ATG10: variants seen among roughly 807,000 people sequenced by gnomAD.
ATG10 encodes the protein autophagy related 10, also known as ubiquitin-like-conjugating enzyme ATG10.
A neutral mutation model predicts 32.1 loss-of-function variants in ATG10; 30 were observed. That is an observed-to-expected ratio of 0.94 (90% CI 0.70 to 1.27). The LOEUF (loss-of-function observed/expected upper bound fraction) is 1.27, where lower values mean the gene tolerates loss of function less well. ATG10 is among the 50% of genes most tolerant of loss of function. The pLI is 0.00. For synonymous variants in ATG10, 87 were observed against 91.5 expected, an observed-to-expected ratio of 0.95 and a Z score of 0.28; for missense variants, 233 against 262.3, an observed-to-expected ratio of 0.89 and a Z score of 0.77.
At chr5:82,178,423 A>T in intron 4 of ATG10, 67 bp from the exon 5 acceptor site, 1 of 934,802 alleles carries the variant, frequency 1.1e-6, no homozygotes, top group Non-Finnish European at 1.7e-6. Context: ...CAGGAGTTTT[A>T]GATTGACACC....
intron 2 of ATG10, among the ~76,000 whole-genome samples, chr5:82,010,902 A>G (rs888405160): frequency 6.6e-6 from 1 of 152,182 alleles, no homozygotes; most frequent in Non-Finnish European, 1.5e-5. Flanking sequence ...AGTGTATAGG[A>G]CAGTCTTATT....
At chr5:82,177,201 A>G (rs2149921207) in intron 4 of ATG10, among the ~76,000 whole-genome samples, 1 of 152,304 alleles carries the variant, frequency 6.6e-6, no homozygotes, top group South Asian at 2.1e-4. Flanking sequence ...CAATACCCAG[A>G]AAGGATCATT....
intron 2 of ATG10, among the ~76,000 whole-genome samples, chr5:82,031,205 A>T (rs1291122315): frequency 6.6e-6 from 1 of 152,164 alleles, no homozygotes; most frequent in Non-Finnish European, 1.5e-5. Context: ...AATCATATCA[A>T]ATTTGAAGAA....
intron 2 of ATG10, among the ~76,000 whole-genome samples, chr5:82,032,270 A>G (rs983563049): frequency 2.0e-5 from 3 of 152,062 alleles, no homozygotes; most frequent in African/African-American, 7.2e-5. Context: ...GCTCAGTTTC[A>G]TTCTTCCCTT....
intron 2 of ATG10, among the ~76,000 whole-genome samples, chr5:82,001,098 G>A (rs1274909999): frequency 6.6e-6 from 1 of 152,160 alleles, no homozygotes; most frequent in East Asian, 1.9e-4. Flanking sequence ...GCTCTACCAT[G>A]AGAATTAGAA....
At chr5:82,091,574 C>T (rs1764887134) in intron 3 of ATG10, among the ~76,000 whole-genome samples, 2 of 152,044 alleles carry the variant, frequency 1.3e-5, no homozygotes, top group African/African-American at 2.4e-5. Context: ...TTTTTGGTAG[C>T]GAGATCAGAT....
chr5:82,131,642 T>C (rs1190813202), intron 3 of ATG10, among the ~76,000 whole-genome samples: 1 of 3,886 alleles, frequency 2.6e-4, no homozygotes, highest in African/African-American at 2.3e-3. Flanking sequence ...TTTATTCTAC[T>C]TTTTTTTTTT....
chr5:82,139,598 C>T (rs1342820062), intron 3 of ATG10, among the ~76,000 whole-genome samples: 3 of 149,162 alleles, frequency 2.0e-5, no homozygotes, highest in Non-Finnish European at 4.5e-5. Flanking sequence ...AGGAGCCTCT[C>T]CGCCCGGCAG....
intron 3 of ATG10, among the ~76,000 whole-genome samples, chr5:82,067,271 A>G (rs549790203): frequency 1.6e-4 from 25 of 152,196 alleles, no homozygotes; most frequent in Non-Finnish European, 2.9e-5. Flanking sequence ...AAAACCAGTC[A>G]TGTCAGATTA....
rs1292928045 is a variant in ATG10 at position 82,003,915 on chromosome 5, G to A, written c.108+16237G>A. 5.3e-5 allele frequency among the ~76,000 whole-genome samples: 8 copies of A among 152,136 alleles called. No homozygotes were observed. In the South Asian group the frequency reaches 6.2e-4, roughly 12 times the overall value. On this transcript the variant is annotated intron_variant, in intron 2 of 7. Coordinates refer to ENST00000282185, the MANE Select transcript of ATG10 (RefSeq NM_031482.5). ...AGCACTTTGGGAGGCCAAGGCAGGCGGATCACTTGAGGTCAGGAGTTTGAG... is the reference window on the plus strand; with the variant it reads ...AGCACTTTGGGAGGCCAAGGCAGGCAGATCACTTGAGGTCAGGAGTTTGAG...
At chr5:82,008,047 T>A (rs1033048380) in intron 2 of ATG10, among the ~76,000 whole-genome samples, 3 of 152,172 alleles carry the variant, frequency 2.0e-5, no homozygotes, top group African/African-American at 4.8e-5. Flanking sequence ...ATAAATACAT[T>A]TGTTGTTGTG....
intron 3 of ATG10, chr5:82,111,482 T>C (rs1185893268): frequency 6.6e-6 from 1 of 152,052 alleles, no homozygotes; most frequent in Admixed American, 6.6e-5. Flanking sequence ...TCATGAAAGT[T>C]GCAGTGGCTT....
intron 5 of ATG10, among the ~76,000 whole-genome samples, chr5:82,207,732 A>G (rs76251346): frequency 2.6e-5 from 4 of 152,310 alleles, no homozygotes; most frequent in Non-Finnish European, 4.4e-5. Flanking sequence ...TTCATGTCCA[A>G]TGCTGTCCAA....
intron 3 of ATG10, among the ~76,000 whole-genome samples, chr5:82,138,310 C>T (rs1238052783): frequency 2.0e-5 from 3 of 152,120 alleles, no homozygotes; most frequent in African/African-American, 4.8e-5. Context: ...GGTGTCTGCC[C>T]AAATGGCCAC....
chr5:82,161,696 A>ACACACACAC (rs1743351306), intron 3 of ATG10, among the ~76,000 whole-genome samples: 44 of 129,726 alleles, frequency 3.4e-4, no homozygotes, highest in African/African-American at 1.1e-3. Context: ...TTAGAGAATA[A>ACACACACAC]ACACACACAC....
intron 2 of ATG10, among the ~76,000 whole-genome samples, chr5:82,044,230 G>T (rs1763169626): frequency 6.6e-6 from 1 of 151,970 alleles, no homozygotes; most frequent in Non-Finnish European, 1.5e-5. Flanking sequence ...GAGAGAGAGC[G>T]AGCAAAGGGG....
chr5:82,062,614 G>A (rs1052397399), intron 3 of ATG10, among the ~76,000 whole-genome samples: 2 of 152,158 alleles, frequency 1.3e-5, no homozygotes, highest in African/African-American at 4.8e-5. Flanking sequence ...TATGCAAGAA[G>A]AAGCAGGATG....
chr5:82,191,987 G>A (rs1744680832), intron 5 of ATG10, among the ~76,000 whole-genome samples: 1 of 152,200 alleles, frequency 6.6e-6, no homozygotes, highest in Non-Finnish European at 1.5e-5. Context: ...ATAGGGGCCT[G>A]AATTTGGTTC....
At chr5:82,121,002 G>A (rs1039192963) in intron 3 of ATG10, among the ~76,000 whole-genome samples, 57 of 152,280 alleles carry the variant, frequency 3.7e-4, no homozygotes, top group African/African-American at 1.3e-3. Flanking sequence ...TTTGTTAAAT[G>A]AGTGAAATGA....
Sources: allele counts gnomAD v4.1 joint callset (sites outside exome capture counted in the v4.1 genomes callset), GRCh38; gene constraint gnomAD v4.1.1; transcripts MANE v1.5; gene names NCBI Gene and HGNC (gene_info 2026-07-23, HGNC 2026-07-21).